The following FA2H variants were observed in gnomAD, a reference collection of about 807,000 sequenced individuals.
FA2H encodes the protein fatty acid alpha-hydroxylase.
In FA2H, 22 loss-of-function variants were observed where a neutral mutation model predicts 44.9. That is an observed-to-expected ratio of 0.49 (90% CI 0.35 to 0.70). The LOEUF (loss-of-function observed/expected upper bound fraction) is 0.70. FA2H is among the 30% of genes least tolerant of loss of function. The pLI is 0.01. For synonymous variants in FA2H, 243 were observed against 213.2 expected, an observed-to-expected ratio of 1.14 and a Z score of -1.22; for missense variants, 501 against 504.9, an observed-to-expected ratio of 0.99 and a Z score of 0.07.
chr16:74,716,835 G>GGGATGGGCGGGATGGGCA, intron 5 of FA2H: 1 of 541,068 alleles, frequency 1.8e-6, no homozygotes, highest in East Asian at 3.1e-5. Context: ...AAAGGAACAT[G>GGGATGGGCGGGATGGGCA]GGATGGGCGG....
At chr16:74,732,781 A>C (rs1228318995) in intron 2 of FA2H, among the ~76,000 whole-genome samples, 2 of 152,190 alleles carry the variant, frequency 1.3e-5, no homozygotes, top group African/African-American at 4.8e-5. Context: ...GAACCACAAG[A>C]AGAAATGTCT....
intron 1 of FA2H, among the ~76,000 whole-genome samples, chr16:74,750,857 C>G (rs552092141): frequency 2.6e-5 from 4 of 151,540 alleles, no homozygotes; most frequent in Non-Finnish European, 4.4e-5. Context: ...CTCACTGCAA[C>G]CTCAGCCTCG....
chr16:74,737,888 A>C lies in FA2H; in HGVS notation c.363+2135T>G, dbSNP rs966667640. Among the ~76,000 whole-genome samples the C allele has an allele frequency of 2.1e-3, 323 of 152,300 alleles. 2 individuals carry two copies. Among genetic ancestry groups the C allele is most frequent in the African/African-American group, 7.4e-3 (308 of 41,568 alleles). On this transcript the variant is annotated intron_variant, in intron 2 of 6. Coordinates refer to ENST00000219368, the MANE Select transcript of FA2H (RefSeq NM_024306.5). ...TGGGTCAGCAACAGAGAGAGGGCTC[A>C]GGTTGGAGCACCGCGGGCTCCCCCA...
At chr16:74,753,426 C>T (rs1962563211) in intron 1 of FA2H, among the ~76,000 whole-genome samples, 2 of 152,140 alleles carry the variant, frequency 1.3e-5, no homozygotes, top group South Asian at 4.1e-4. Flanking sequence ...GTGGCTCATG[C>T]CTCCCAGCAC....
chr16:74,734,652 C>T (rs1032148317), intron 2 of FA2H, among the ~76,000 whole-genome samples: 9 of 152,194 alleles, frequency 5.9e-5, no homozygotes, highest in East Asian at 1.9e-4. Context: ...CATGGTGCCC[C>T]GGTAGAAGGG....
intron 1 of FA2H, 139 bp from the exon 2 acceptor site, chr16:74,740,254 G>C: frequency 2.7e-6 from 2 of 728,722 alleles, no homozygotes; most frequent in South Asian, 2.8e-5. Flanking sequence ...AAGGACGCTG[G>C]GTACTTTGGA....
At chr16:74,771,243 T>C (rs1310186704) in intron 1 of FA2H, among the ~76,000 whole-genome samples, 2 of 152,130 alleles carry the variant, frequency 1.3e-5, no homozygotes, top group African/African-American at 4.8e-5. Context: ...CAGACTGGAA[T>C]GCAGTGGTGC....
At chr16:74,729,563 G>C (rs1388348759) in intron 2 of FA2H, among the ~76,000 whole-genome samples, 1 of 152,068 alleles carries the variant, frequency 6.6e-6, no homozygotes, top group East Asian at 1.9e-4. Flanking sequence ...TGTGCAGAAA[G>C]TTTCACTCAT....
chr16:74,724,766 G>A (rs915654158), intron 4 of FA2H, among the ~76,000 whole-genome samples: 2 of 152,084 alleles, frequency 1.3e-5, no homozygotes, highest in Admixed American at 1.3e-4. Context: ...AGGCCGTGTG[G>A]CTGATAGAGC....
chr16:74,716,283 T>C, intron 6 of FA2H, 64 bp downstream of exon 6: 4 of 1,583,088 alleles, frequency 2.5e-6, no homozygotes, highest in Middle Eastern at 1.7e-4. Context: ...AGGAGCTCGA[T>C]GGTAGTTGGC....
chr16:74,753,957 A>C (rs528496479), intron 1 of FA2H, among the ~76,000 whole-genome samples: 9 of 152,202 alleles, frequency 5.9e-5, no homozygotes, highest in African/African-American at 2.2e-4. Flanking sequence ...TTTTCACTCA[A>C]GTGAAGCATC....
intron 1 of FA2H, among the ~76,000 whole-genome samples, chr16:74,763,790 A>G (rs1406341812): frequency 6.6e-6 from 1 of 152,240 alleles, no homozygotes; most frequent in Non-Finnish European, 1.5e-5. Context: ...GGTTCACTCT[A>G]AGTATATAAT....
intron 2 of FA2H, among the ~76,000 whole-genome samples, chr16:74,728,007 ATGTAGCTTAG>A (rs1346323190): frequency 6.6e-6 from 1 of 152,216 alleles, no homozygotes; most frequent in African/African-American, 2.4e-5. Context: ...ACCTTGTTTC[ATGTAGCTTAG>A]TGCTTACAGT....
At chr16:74,715,626 A>C (rs1245008503) in intron 6 of FA2H, among the ~76,000 whole-genome samples, 1 of 152,196 alleles carries the variant, frequency 6.6e-6, no homozygotes, top group African/African-American at 2.4e-5. Context: ...ACATGTTGAA[A>C]TAATAATTTG....
chr16:74,762,948 G>A (rs1237355331), intron 1 of FA2H, among the ~76,000 whole-genome samples: 1 of 152,158 alleles, frequency 6.6e-6, no homozygotes, highest in Non-Finnish European at 1.5e-5. Context: ...AGTCATTATG[G>A]TTGTTTCCAG....
intron 1 of FA2H, among the ~76,000 whole-genome samples, chr16:74,745,803 T>C (rs1962410928): frequency 6.9e-6 from 1 of 145,756 alleles, no homozygotes; most frequent in Non-Finnish European, 1.5e-5. Context: ...CAATGGATTT[T>C]TTTTTTTTTT....
chr16:74,765,503 AATTATGC>A (rs1244927807), intron 1 of FA2H, among the ~76,000 whole-genome samples: 9 of 152,096 alleles, frequency 5.9e-5, no homozygotes, highest in South Asian at 4.2e-4. Flanking sequence ...TTTCCTTTTC[AATTATGC>A]ACGTACCTCA....
chr16:74,749,094 T>C (rs1241235223), intron 1 of FA2H, among the ~76,000 whole-genome samples: 1 of 152,114 alleles, frequency 6.6e-6, no homozygotes, highest in Non-Finnish European at 1.5e-5. Context: ...GCAAGAGCCT[T>C]TCTTGGGGAG....
rs754864154 is a variant in FA2H at position 74,726,197 on chromosome 16, G to A, written c.613+28C>T. The A allele has an allele frequency of 1.1e-5, 16 of 1,504,456 alleles. No homozygotes were observed. The Admixed American group carries it at 2.7e-4, about 25-fold the overall frequency. The allele number at this position is 1,504,456 out of a possible 1,614,324, so 93.2% of individuals were successfully genotyped here. On this transcript the variant is annotated intron_variant, in intron 4 of 6. Transcript: ENST00000219368. ...GGTCTCCTCCCTCTAGGATCCTCAG[G>A]GCAAGTCAGGAAAGAAACTGGCATT...
Sources: allele counts gnomAD v4.1 joint callset (sites outside exome capture counted in the v4.1 genomes callset), GRCh38; gene constraint gnomAD v4.1.1; transcripts MANE v1.5; gene names NCBI Gene and HGNC (gene_info 2026-07-23, HGNC 2026-07-21).